FAM219A: variants seen among roughly 807,000 people sequenced by gnomAD.
The protein encoded by FAM219A is family with sequence similarity 219 member A, also known as protein FAM219A.
Under a neutral mutation model 23.4 loss-of-function variants are expected in FAM219A, and 7 were observed. The observed-to-expected ratio is 0.30, with a 90% CI of 0.17 to 0.56. The LOEUF is 0.56. FAM219A is among the 20% of genes least tolerant of loss of function. The pLI is 0.92. For synonymous variants in FAM219A, 93 were observed against 99.0 expected, an observed-to-expected ratio of 0.94 and a Z score of 0.36; for missense variants, 166 against 246.9, an observed-to-expected ratio of 0.67 and a Z score of 2.20.
intron 1 of FAM219A, among the ~76,000 whole-genome samples, chr9:34,406,916 C>T (rs570027210): frequency 1.3e-5 from 2 of 151,860 alleles, no homozygotes; most frequent in South Asian, 2.1e-4. Context: ...AATTCTCCTG[C>T]CTCAGCCTCT....
intron 1 of FAM219A, among the ~76,000 whole-genome samples, chr9:34,444,633 A>G (rs1187553905): frequency 6.6e-6 from 1 of 152,082 alleles, no homozygotes; most frequent in Non-Finnish European, 1.5e-5. Context: ...CTGCAAAGGG[A>G]GAAGATGGGA....
intron 1 of FAM219A, among the ~76,000 whole-genome samples, chr9:34,441,366 G>A (rs1823167188): frequency 6.6e-6 from 1 of 152,220 alleles, no homozygotes; most frequent in African/African-American, 2.4e-5. Flanking sequence ...GAGAGCAGAT[G>A]CAGGAGCTTC....
At chr9:34,430,474 A>G (rs543422744) in intron 1 of FAM219A, among the ~76,000 whole-genome samples, 44 of 151,272 alleles carry the variant, frequency 2.9e-4, no homozygotes, top group South Asian at 6.3e-4. Flanking sequence ...CATCTGTACT[A>G]AAAATATGAA....
intron 1 of FAM219A, among the ~76,000 whole-genome samples, chr9:34,430,825 G>C (rs1183886867): frequency 7.0e-6 from 1 of 143,398 alleles, no homozygotes; most frequent in Non-Finnish European, 1.5e-5. Flanking sequence ...CTGGGTGCCC[G>C]AGTGAGACCA....
At chr9:34,412,344 G>C (rs936695305) in intron 1 of FAM219A, among the ~76,000 whole-genome samples, 1 of 152,204 alleles carries the variant, frequency 6.6e-6, no homozygotes, top group Non-Finnish European at 1.5e-5. Context: ...GACATTCCTA[G>C]TTTACTGTCT....
intron 1 of FAM219A, among the ~76,000 whole-genome samples, chr9:34,432,440 T>A (rs537015257): frequency 3.7e-4 from 56 of 152,338 alleles, no homozygotes; most frequent in African/African-American, 1.1e-3. Context: ...CACTGGACAG[T>A]GCTGACCACA....
intron 1 of FAM219A, among the ~76,000 whole-genome samples, chr9:34,449,060 G>A (rs1218123346): frequency 6.6e-6 from 1 of 151,980 alleles, no homozygotes. Context: ...CTAGCTGGGT[G>A]CAGTGGCTCA....
chr9:34,413,021 C>A (rs1005774738), intron 1 of FAM219A, among the ~76,000 whole-genome samples: 8 of 152,142 alleles, frequency 5.3e-5, no homozygotes, highest in Admixed American at 2.6e-4. Context: ...GAATACCAGA[C>A]CTGTCCTAGA....
At chr9:34,405,788 G>T in intron 2 of FAM219A, 77 bp downstream of exon 2, 1 of 1,388,590 alleles carries the variant, frequency 7.2e-7, no homozygotes, top group Non-Finnish European at 1.0e-6. Flanking sequence ...TGGTTTATTT[G>T]TGGCACCTCA....
intron 1 of FAM219A, among the ~76,000 whole-genome samples, chr9:34,456,850 G>C (rs1466405115): frequency 6.6e-6 from 1 of 152,150 alleles, no homozygotes; most frequent in East Asian, 1.9e-4. Context: ...AAAAGCCTTT[G>C]TCTCCTGCTA....
intron 1 of FAM219A, among the ~76,000 whole-genome samples, chr9:34,431,890 G>A (rs1822722104): frequency 6.6e-6 from 1 of 152,334 alleles, no homozygotes; most frequent in Middle Eastern, 3.4e-3. Flanking sequence ...ATGTGCATAT[G>A]TGCACGCATG....
At chr9:34,438,957 A>G (rs1336948251) in intron 1 of FAM219A, among the ~76,000 whole-genome samples, 4 of 152,232 alleles carry the variant, frequency 2.6e-5, no homozygotes, top group East Asian at 1.9e-4. Flanking sequence ...TATGAGGTGT[A>G]ACACTCACCG....
rs557660642 is a variant in FAM219A at position 34,400,749 on chromosome 9, C to T, written c.*215G>A. 5.3e-5 allele frequency: 24 copies of T among 456,640 alleles called. No individual in the cohort carries two copies. The highest frequency in any genetic ancestry group is 1.0e-4 in the South Asian group (2 of 19,456). 28.3% of individuals were successfully genotyped at this position (456,640 alleles called of 1,614,324 possible). A position where few individuals can be genotyped will look rare whatever the true frequency, so the allele number is the denominator to read the frequency against. On this transcript the variant is annotated 3_prime_UTR_variant, in exon 6 of 6. Coordinates refer to ENST00000651358, the MANE Select transcript of FAM219A (RefSeq NM_001184940.2). ...ACGGCCCCCACCCCTCCTCAGCTCC[C>T]GGGTGGAGAGAGACCCAGTTTTGGT...
At chr9:34,453,950 G>C (rs1588079286) in intron 1 of FAM219A, among the ~76,000 whole-genome samples, 1 of 152,148 alleles carries the variant, frequency 6.6e-6, no homozygotes, top group Non-Finnish European at 1.5e-5. Context: ...AGAGAGCCTT[G>C]GGCTGCTGGG....
intron 1 of FAM219A, among the ~76,000 whole-genome samples, chr9:34,430,763 G>T (rs549674419): frequency 1.3e-5 from 2 of 152,114 alleles, no homozygotes; most frequent in Middle Eastern, 3.4e-3. Flanking sequence ...GATCACCTGA[G>T]CCTAGGAGGT....
chr9:34,422,964 G>A (rs1438421615), intron 1 of FAM219A, among the ~76,000 whole-genome samples: 3 of 152,140 alleles, frequency 2.0e-5, no homozygotes, highest in Admixed American at 2.0e-4. Context: ...CCAGGAGTTT[G>A]AGACCAGCCT....
intron 1 of FAM219A, among the ~76,000 whole-genome samples, chr9:34,424,842 T>C (rs1410720925): frequency 2.0e-5 from 3 of 152,178 alleles, no homozygotes; most frequent in African/African-American, 4.8e-5. Flanking sequence ...AGGGTCTCAC[T>C]CTGTCACTCA....
At chr9:34,456,857 G>A (rs1283621909) in intron 1 of FAM219A, among the ~76,000 whole-genome samples, 2 of 152,202 alleles carry the variant, frequency 1.3e-5, no homozygotes, top group Admixed American at 1.3e-4. Flanking sequence ...TTTGTCTCCT[G>A]CTAAGTGGCC....
intron 1 of FAM219A, among the ~76,000 whole-genome samples, chr9:34,409,746 T>C (rs2131938614): frequency 6.6e-6 from 1 of 152,358 alleles, no homozygotes; most frequent in Non-Finnish European, 1.5e-5. Context: ...CTGTGTTCCC[T>C]GAGTGACTGT....
Sources: gnomAD v4.1 joint callset for allele counts (sites outside exome capture counted in the v4.1 genomes callset) on GRCh38, gnomAD v4.1.1 for gene constraint, MANE v1.5 for transcripts, NCBI Gene and HGNC (gene_info 2026-07-23, HGNC 2026-07-21) for gene names.